The following NLRP4 variants were observed in gnomAD, a reference collection of about 807,000 sequenced individuals.
The protein encoded by NLRP4 is NLR family pyrin domain containing 4, also known as NACHT, LRR and PYD domains-containing protein 4.
In NLRP4, 44 loss-of-function variants were observed where a neutral mutation model predicts 84.7. The observed-to-expected ratio is 0.52, with a 90% CI of 0.41 to 0.67. The LOEUF (loss-of-function observed/expected upper bound fraction) is 0.67. Among genes scored for constraint, NLRP4 ranks in the 30% least tolerant of loss-of-function variants. The pLI is 0.00. For missense variants in NLRP4, 1,260 were observed against 1,219.4 expected (o/e 1.03, Z -0.50); for synonymous variants, 544 against 476.4 (o/e 1.14, Z -1.85).
At chr19:55,855,963 A>G (rs1180208578) in intron 2 of NLRP4, among the ~76,000 whole-genome samples, 1 of 152,206 alleles carries the variant, frequency 6.6e-6, no homozygotes, top group Non-Finnish European at 1.5e-5. Context: ...GAAGCTCACC[A>G]GTGTAGCAGC....
At chr19:55,845,041 T>C (rs911526779) in intron 1 of NLRP4, among the ~76,000 whole-genome samples, 2 of 152,128 alleles carry the variant, frequency 1.3e-5, no homozygotes, top group Admixed American at 6.5e-5. Context: ...TTTTAATTAT[T>C]ATACTTTAAG....
chr19:55,851,091 G>A (rs1600224241), intron 1 of NLRP4, among the ~76,000 whole-genome samples: 1 of 125,422 alleles, frequency 8.0e-6, no homozygotes. Flanking sequence ...TGTAATGTCC[G>A]TGGCTGCGGT....
intron 7 of NLRP4, among the ~76,000 whole-genome samples, chr19:55,875,502 G>A (rs1356983587): frequency 1.3e-5 from 2 of 152,172 alleles, no homozygotes; most frequent in African/African-American, 4.8e-5. Context: ...TGATATATGT[G>A]AGACTTTTAT....
At chr19:55,853,889 T>C (rs12232871) in intron 2 of NLRP4, among the ~76,000 whole-genome samples, 134 of 132,020 alleles carry the variant, frequency 1.0e-3, no homozygotes, top group African/African-American at 3.8e-3. Flanking sequence ...TGCTATCTCT[T>C]TCTCTCTCTC....
chr19:55,871,454 TG>T, intron 7 of NLRP4, among the ~76,000 whole-genome samples: 1 of 152,230 alleles, frequency 6.6e-6, no homozygotes, highest in East Asian at 1.9e-4. Flanking sequence ...AAGGGTAGCA[TG>T]AGATGAGCCA....
chr19:55,842,595 G>T (rs902376701), intron 1 of NLRP4, among the ~76,000 whole-genome samples: 1 of 151,766 alleles, frequency 6.6e-6, no homozygotes, highest in Non-Finnish European at 1.5e-5. Flanking sequence ...TCACAAGACT[G>T]ACTCTATAAA....
Position 55,858,977 on chromosome 19 carries a change from G to A in NLRP4, c.1584G>A (p.Lys528=). 1 of 1,614,172 alleles carries A rather than the reference G, an allele frequency of 6.2e-7. No individual in the cohort carries two copies. The highest frequency in any genetic ancestry group is 8.5e-7 in the Non-Finnish European group (1 of 1,180,026). ...GCTTCCAACTGTCCCAAGAGATAAA[G>A]CAGCAAATTCACCAGTGCCTGAAGA... ...FFGFQLSQEI[K]QQIHQCLKSL... The change falls in exon 3 of 10, where the codon AAG becomes AAA. Residue 528 remains lysine (K), a synonymous_variant. Coordinates refer to ENST00000301295, the MANE Select transcript of NLRP4 (RefSeq NM_134444.5). The surrounding 1 kb of genome is among the most constrained non-coding windows in gnomAD (Gnocchi z 4.2).
intron 6 of NLRP4, among the ~76,000 whole-genome samples, chr19:55,870,225 A>G (rs932514542): frequency 4.6e-5 from 7 of 152,056 alleles, no homozygotes; most frequent in African/African-American, 1.7e-4. Flanking sequence ...CAGAAGGTCC[A>G]TGTCTTGTCC....
Position 55,873,157 on chromosome 19 carries a change from TAGAC to T in NLRP4, c.2525+2164_2525+2167del, listed in dbSNP as rs550118924. 4.0e-3 allele frequency among the ~76,000 whole-genome samples: 616 copies of T among 152,314 alleles called. 4 individuals carry two copies. Among genetic ancestry groups the T allele is most frequent in the Non-Finnish European group, 7.0e-3 (473 of 68,026 alleles). On this transcript the variant is annotated intron_variant, in intron 7 of 9. Coordinates refer to ENST00000301295, the MANE Select transcript of NLRP4 (RefSeq NM_134444.5). ...AAAAGTAATTCTAAAGACTGTTCCT[TAGAC>T]AGAAGTAAATCATTCCAGATGGAAG...
chr19:55,853,845 CTG>C (rs1485465031), intron 2 of NLRP4, among the ~76,000 whole-genome samples: 1 of 150,508 alleles, frequency 6.6e-6, no homozygotes, highest in Non-Finnish European at 1.5e-5. Context: ...CTCTCTCGTT[CTG>C]TCTTTCTCTC....
chr19:55,880,145 ACT>A (rs1304189083), intron 9 of NLRP4, among the ~76,000 whole-genome samples: 1 of 149,572 alleles, frequency 6.7e-6, no homozygotes, highest in African/African-American at 2.5e-5. Flanking sequence ...AACTGTTATA[ACT>A]CTAACGCTAA....
At chr19:55,838,131 C>A (rs1001958815) in intron 1 of NLRP4, among the ~76,000 whole-genome samples, 5 of 149,778 alleles carry the variant, frequency 3.3e-5, no homozygotes, top group Non-Finnish European at 7.4e-5. Flanking sequence ...CCAGCCTGAC[C>A]AACATGGTGA....
intron 5 of NLRP4, among the ~76,000 whole-genome samples, chr19:55,863,897 C>T (rs1425201430): frequency 6.6e-6 from 1 of 151,990 alleles, no homozygotes; most frequent in East Asian, 1.9e-4. Context: ...CTCTACTTAC[C>T]TTCATTGGTA....
At chr19:55,839,472 GA>G (rs1477021870) in intron 1 of NLRP4, among the ~76,000 whole-genome samples, 5 of 120,476 alleles carry the variant, frequency 4.2e-5, no homozygotes, top group Non-Finnish European at 6.5e-5. Context: ...TTCTGTGGGG[GA>G]AGAGTTAAAA....
rs1205541499 is a variant in NLRP4 at position 55,861,634 on chromosome 19, C to T, written c.2018+87C>T. Reference sequence around the variant, plus strand: ...TAGCTTTCAGTCGAGGCTAACTGCACAAGCAAAGAATTAACATCCAGAGCA... The same window carrying T: ...TAGCTTTCAGTCGAGGCTAACTGCATAAGCAAAGAATTAACATCCAGAGCA... On this transcript the variant is annotated intron_variant, in intron 4 of 9. Transcript: ENST00000301295. 4.0e-6 allele frequency: 5 copies of T among 1,253,434 alleles called. No individual in the cohort carries two copies. The African/African-American group carries it at 5.9e-5, about 15-fold the overall frequency. The allele number at this position is 1,253,434 out of a possible 1,614,324, so 77.6% of individuals were successfully genotyped here.
intron 1 of NLRP4, among the ~76,000 whole-genome samples, 192 bp from the exon 2 acceptor site, chr19:55,851,824 G>T (rs1415745729): frequency 6.6e-6 from 1 of 152,126 alleles, no homozygotes; most frequent in African/African-American, 2.4e-5. Flanking sequence ...GTATCTTCTG[G>T]ATTATTGTAT....
At chr19:55,852,381 G>A (rs1420011244) in intron 2 of NLRP4, 21 bp downstream of exon 2, 6 of 1,547,036 alleles carry the variant, frequency 3.9e-6, no homozygotes, top group Non-Finnish European at 4.4e-6. Flanking sequence ...CTGGGAAGGG[G>A]GAAGCCTTCT....
Position 55,877,093 on chromosome 19 carries a change from G to A in NLRP4, c.2623G>A (p.Glu875Lys), listed in dbSNP as rs868450451. 6.2e-7 allele frequency: 1 copy of A among 1,614,186 alleles called. No individual in the cohort carries two copies. The highest frequency in any genetic ancestry group is 1.1e-5 in the South Asian group (1 of 91,086). The change falls in exon 8 of 10, where the codon GAA becomes AAA. Residue 875 changes from glutamate (E) to lysine (K), a missense_variant. Physicochemically the swap from Glu to Lys is moderately conservative, Grantham distance 56 (BLOSUM62 1). Coordinates refer to ENST00000301295, the MANE Select transcript of NLRP4 (RefSeq NM_134444.5). ...NLKILQIGCN[E>K]IGDVGVQLLC... ...GAAGATTCTGCAAATTGGGTGCAAT[G>A]AAATCGGAGATGTGGGTGTGCAGCT... is the stretch of plus-strand genomic sequence containing the variant.
chr19:55,876,972 C>A, intron 7 of NLRP4, 24 bp from the exon 8 acceptor site: 1 of 1,600,228 alleles, frequency 6.2e-7, no homozygotes, highest in Non-Finnish European at 8.5e-7. Flanking sequence ...AGCCTTTAAG[C>A]ATGGTACCCT....
Sources: gnomAD v4.1 joint callset for allele counts (sites outside exome capture counted in the v4.1 genomes callset) on GRCh38, gnomAD v4.1.1 for gene constraint, Gnocchi (gnomAD v3.1) non-coding constraint, MANE v1.5 for transcripts, NCBI Gene and HGNC (gene_info 2026-07-23, HGNC 2026-07-21) for gene names.